Variants in PDE10A observed in about 807,000 individuals in gnomAD.
PDE10A encodes the protein phosphodiesterase 10A.
In PDE10A, 39 loss-of-function variants were observed where a neutral mutation model predicts 97.7. The observed-to-expected ratio is 0.40, with a 90% CI of 0.31 to 0.52. The LOEUF is 0.52. PDE10A is among the 20% of genes least tolerant of loss of function. The probability of loss-of-function intolerance (pLI) is 0.56; values close to 1 mark genes in which losing one functional copy is unlikely to be tolerated. For synonymous variants in PDE10A, 371 were observed against 376.8 expected, an observed-to-expected ratio of 0.98 and a Z score of 0.18; for missense variants, 731 against 1,047.8, an observed-to-expected ratio of 0.70 and a Z score of 4.17.
upstream of PDE10A, among the ~76,000 whole-genome samples, chr6:165,664,400 G>A (rs1173246568): frequency 2.6e-5 from 4 of 152,152 alleles, no homozygotes; most frequent in Admixed American, 2.0e-4. Context: ...ACCAAGCTGA[G>A]CAGTTGGGAT....
chr6:165,341,630 C>T (rs1407308338), intron 19 of PDE10A, among the ~76,000 whole-genome samples: 4 of 152,104 alleles, frequency 2.6e-5, no homozygotes, highest in Non-Finnish European at 4.4e-5. Context: ...GTTAACATGG[C>T]GGCAACCACA....
chr6:165,881,845 A>T (rs1178834719), intron 1 of PDE10A, among the ~76,000 whole-genome samples: 4 of 152,148 alleles, frequency 2.6e-5, no homozygotes, highest in Admixed American at 2.0e-4. Context: ...TCCATCATAC[A>T]TATATATTTT....
intron 1 of PDE10A, among the ~76,000 whole-genome samples, chr6:165,963,790 C>A (rs1156856108): frequency 6.6e-6 from 1 of 152,218 alleles, no homozygotes; most frequent in Admixed American, 6.5e-5. Flanking sequence ...TCCTTGACCA[C>A]TCAGGCTGTG....
rs559513181 is a variant in PDE10A at position 165,646,729 on chromosome 6, G to A, written c.865+15218C>T. ...CCCCTGCTGCTCCAAACACAGTTCC[G>A]GGATGAGAAGGAGCACCTGGCCACA... On this transcript the variant is annotated intron_variant, in intron 1 of 21. Coordinates refer to ENST00000539869, the MANE Select transcript of PDE10A (RefSeq NM_001385079.1). Among the ~76,000 whole-genome samples, 9 of 152,260 alleles carry A rather than the reference G, an allele frequency of 5.9e-5. No homozygotes were observed. In the South Asian group the frequency reaches 1.5e-3, roughly 25 times the overall value.
rs531747568 is a variant in PDE10A, at chr6:165,559,475, C to A, written c.866-15907G>T. Among the ~76,000 whole-genome samples, 18 of 152,294 alleles carry A rather than the reference C, an allele frequency of 1.2e-4. No homozygotes were observed. In the South Asian group the frequency reaches 3.3e-3, roughly 28 times the overall value. On this transcript the variant is annotated intron_variant, in intron 1 of 21. Transcript: ENST00000539869. Reference sequence around the variant, plus strand: ...ATCATAAAAGAAAATTACATACTGTCTCATTAGAAATATTTTTAATTCATT... The same window carrying A: ...ATCATAAAAGAAAATTACATACTGTATCATTAGAAATATTTTTAATTCATT...
At chr6:165,800,828 T>C (rs969958686) in intron 1 of PDE10A, among the ~76,000 whole-genome samples, 3 of 152,160 alleles carry the variant, frequency 2.0e-5, no homozygotes, top group African/African-American at 4.8e-5. Context: ...TTAAAATCCA[T>C]TTAGAGGGCA....
chr6:165,899,751 C>T (rs1782053654), intron 1 of PDE10A, among the ~76,000 whole-genome samples: 1 of 152,328 alleles, frequency 6.6e-6, no homozygotes, highest in South Asian at 2.1e-4. Context: ...TCCTGTGGTT[C>T]ATTCCTGGGC....
intron 1 of PDE10A, among the ~76,000 whole-genome samples, chr6:165,833,627 C>T (rs1453061630): frequency 6.6e-6 from 1 of 152,244 alleles, no homozygotes; most frequent in Non-Finnish European, 1.5e-5. Flanking sequence ...GAGGGGGGCC[C>T]AAGTTCCTGG....
rs1442744606 is a variant in PDE10A at position 165,662,628 on chromosome 6, C to T, written c.184G>A (p.Ala62Thr). 7.0e-6 allele frequency: 1 copy of T among 142,732 alleles called. No homozygotes were observed. The highest frequency in any genetic ancestry group is 2.1e-4 in the East Asian group (1 of 4,712). The allele number at this position is 142,732 out of a possible 1,614,324, so 8.8% of individuals were successfully genotyped here. Residue 62 changes from alanine (A) to threonine (T), a missense_variant, in exon 1 of 22, where the codon GCC becomes ACC. Transcript: ENST00000539869. ...GAGAGGGGCGGGCGCGGGGGCGCGG[C>T]GCGCTCCGCCCGGCCACGGCCAGGC... Reference protein sequence around the residue: ...EWPGRGRAERAAPPRPPLSSA... With the variant: ...EWPGRGRAERTAPPRPPLSSA...
intron 1 of PDE10A, among the ~76,000 whole-genome samples, chr6:165,588,281 C>CT (rs1216263426): frequency 0.043 from 1,586 of 36,982 alleles, 104 homozygotes; most frequent in East Asian, 0.32. Flanking sequence ...ATTTTTTTTT[C>CT]TTTTTTTTTT....
intron 1 of PDE10A, among the ~76,000 whole-genome samples, chr6:165,900,100 G>A (rs1782062770): frequency 6.6e-6 from 1 of 152,184 alleles, no homozygotes; most frequent in Admixed American, 6.5e-5. Flanking sequence ...GGTGATGGGG[G>A]CTGAAAGAGA....
chr6:165,624,135 T>G (rs1370821256), intron 1 of PDE10A, among the ~76,000 whole-genome samples: 2 of 152,236 alleles, frequency 1.3e-5, no homozygotes, highest in African/African-American at 4.8e-5. Context: ...CATCAAGCTT[T>G]GAGTCATATC....
At chr6:165,882,876 T>A (rs561382116) in intron 1 of PDE10A, among the ~76,000 whole-genome samples, 3 of 152,108 alleles carry the variant, frequency 2.0e-5, no homozygotes, top group African/African-American at 7.2e-5. Context: ...ATCACGTCCC[T>A]GTTCTCAACC....
intron 1 of PDE10A, among the ~76,000 whole-genome samples, chr6:165,800,183 A>G (rs1778944882): frequency 6.6e-6 from 1 of 152,150 alleles, no homozygotes; most frequent in Non-Finnish European, 1.5e-5. Context: ...GCAATTCCCC[A>G]AGCAAGGAGG....
chr6:165,330,617 C>A lies in PDE10A; in HGVS notation c.*2408G>T, dbSNP rs1781287906. ...ACCAACCAGTAAATCCAATCACATT[C>A]CTTTGGGAAACTGTTCTAAATAGAG... On this transcript the variant is annotated 3_prime_UTR_variant, in exon 22 of 22. Coordinates refer to ENST00000539869, the MANE Select transcript of PDE10A (RefSeq NM_001385079.1). The A allele has an allele frequency of 6.6e-6, 1 of 152,030 alleles. No homozygotes were observed. The highest frequency in any genetic ancestry group is 2.4e-5 in the African/African-American group (1 of 41,404). 9.4% of individuals were successfully genotyped at this position (152,030 alleles called of 1,614,324 possible).
chr6:165,819,450 G>A lies in PDE10A; in HGVS notation c.-615+168079C>T, dbSNP rs114269744. Reference sequence around the variant, plus strand: ...CATGCAATCCGTCCTCCAGACGGCCGCTGGCACCACTCTCCGAGACACGCT... The same window carrying A: ...CATGCAATCCGTCCTCCAGACGGCCACTGGCACCACTCTCCGAGACACGCT... On this transcript the variant is annotated intron_variant, in intron 1 of 19. Coordinates refer to the PDE10A transcript ENST00000366882. This position sits in a 1 kb window ranked among gnomAD's most constrained non-coding sequence, Gnocchi z 4.2. 2.0e-5 allele frequency among the ~76,000 whole-genome samples: 3 copies of A among 152,214 alleles called. No individual in the cohort carries two copies. The highest frequency in any genetic ancestry group is 2.4e-5 in the African/African-American group (1 of 41,542).
At chr6:165,416,067 G>A (rs1562444314) in intron 12 of PDE10A, 122 bp downstream of exon 12, 2 of 697,894 alleles carry the variant, frequency 2.9e-6, no homozygotes, top group East Asian at 5.0e-5. Context: ...GTTCAGAGAA[G>A]AAAACTAAGG....
At chr6:165,667,990 T>C (rs1790538417), upstream of PDE10A, among the ~76,000 whole-genome samples, 2 of 152,230 alleles carry the variant, frequency 1.3e-5, no homozygotes, top group Admixed American at 1.3e-4. Flanking sequence ...AGTTTTCAGT[T>C]CTTAAAAACA....
intron 13 of PDE10A, among the ~76,000 whole-genome samples, chr6:165,402,803 T>C (rs1285251798): frequency 6.6e-6 from 1 of 152,182 alleles, no homozygotes; most frequent in Non-Finnish European, 1.5e-5. Context: ...TCAACTGGCA[T>C]ACAAAAATAT....
Sources: gnomAD v4.1 joint callset for allele counts (sites outside exome capture counted in the v4.1 genomes callset) on GRCh38, gnomAD v4.1.1 for gene constraint, Gnocchi (gnomAD v3.1) non-coding constraint, MANE v1.5 for transcripts, NCBI Gene and HGNC (gene_info 2026-07-23, HGNC 2026-07-21) for gene names.